The following DYNC2I1 variants were observed in gnomAD, a reference collection of about 807,000 sequenced individuals.
DYNC2I1 encodes the protein cytoplasmic dynein 2 intermediate chain 1.
In DYNC2I1, 89 loss-of-function variants were observed where a neutral mutation model predicts 133.4. The ratio of observed to expected loss-of-function variants is 0.67; its 90% CI spans 0.56 to 0.80. DYNC2I1 has a LOEUF of 0.80. Among genes scored for constraint, DYNC2I1 ranks in the 30% least tolerant of loss-of-function variants. DYNC2I1 has a pLI of 0.00. For synonymous variants in DYNC2I1, 504 were observed against 484.3 expected, an observed-to-expected ratio of 1.04 and a Z score of -0.54; for missense variants, 1,291 against 1,314.5, an observed-to-expected ratio of 0.98 and a Z score of 0.28.
intron 11 of DYNC2I1, among the ~76,000 whole-genome samples, chr7:158,908,208 A>G (rs554900100): frequency 6.6e-6 from 1 of 152,236 alleles, no homozygotes; most frequent in East Asian, 1.9e-4. Flanking sequence ...CATTTAGTAA[A>G]TCAACTTGAA....
chr7:158,890,854 G>A (rs914076491), intron 7 of DYNC2I1, among the ~76,000 whole-genome samples: 8 of 152,212 alleles, frequency 5.3e-5, no homozygotes, highest in South Asian at 4.1e-4. Context: ...TATTAGAGGC[G>A]TGAACCACTG....
Position 158,942,005 on chromosome 7 carries a change from C to T in DYNC2I1, c.2859C>T (p.Asp953=), listed in dbSNP as rs898814598. 2 of 1,613,590 alleles carry T rather than the reference C, an allele frequency of 1.2e-6. No individual in the cohort carries two copies. Among genetic ancestry groups the T allele is most frequent in the African/African-American group, 1.3e-5 (1 of 75,076 alleles). ...TCCTGCAGTGGGACAGCAGCACGGA[C>T]AGCCATGCGGTCACCGGCCTGCAGT... is the stretch of plus-strand genomic sequence containing the variant. ...FPLLQWDSST[D]SHAVTGLQWS... is the part of the protein sequence containing the mutation. Residue 953 remains aspartate (D), a synonymous_variant, in exon 24 of 25, where the codon GAC becomes GAT. Coordinates refer to ENST00000407559, the MANE Select transcript of DYNC2I1 (RefSeq NM_018051.5).
intron 23 of DYNC2I1, among the ~76,000 whole-genome samples, chr7:158,937,443 G>A (rs562080060): frequency 5.3e-5 from 8 of 151,888 alleles, no homozygotes; most frequent in East Asian, 1.9e-4. Context: ...TGGCTGACAC[G>A]GTGAAACCCC....
intron 15 of DYNC2I1, 27 bp from the exon 16 acceptor site, chr7:158,922,350 A>G: frequency 6.2e-7 from 1 of 1,603,012 alleles, no homozygotes; most frequent in Non-Finnish European, 8.5e-7. Context: ...GGTCGTTGAA[A>G]TGTGAACATA....
At chr7:158,858,669 ATTGTTT>A in intron 1 of DYNC2I1, among the ~76,000 whole-genome samples, 1 of 152,210 alleles carries the variant, frequency 6.6e-6, no homozygotes, top group South Asian at 2.1e-4. Context: ...ATCAGGACAA[ATTGTTT>A]TCTAGACATG....
At chr7:158,901,056 T>G (rs989101895) in intron 8 of DYNC2I1, among the ~76,000 whole-genome samples, 1 of 152,112 alleles carries the variant, frequency 6.6e-6, no homozygotes, top group Non-Finnish European at 1.5e-5. Context: ...CTGGAACTGG[T>G]GCTTGCTCTG....
At chr7:158,869,253 A>G (rs1563081799) in intron 1 of DYNC2I1, among the ~76,000 whole-genome samples, 1 of 139,286 alleles carries the variant, frequency 7.2e-6, no homozygotes, top group Non-Finnish European at 1.6e-5. Context: ...GCTGTGAGGG[A>G]CCCTCTGGGC....
intron 14 of DYNC2I1, among the ~76,000 whole-genome samples, chr7:158,917,977 C>G (rs1008604504): frequency 1.3e-5 from 2 of 152,060 alleles, no homozygotes; most frequent in Non-Finnish European, 2.9e-5. Context: ...CTTCCTCACT[C>G]CCATACGGTT....
chr7:158,934,917 T>C (rs540342722), intron 23 of DYNC2I1, among the ~76,000 whole-genome samples: 1 of 152,344 alleles, frequency 6.6e-6, no homozygotes, highest in East Asian at 1.9e-4. Context: ...TGGTCATTTA[T>C]GGGGCGTCAG....
intron 17 of DYNC2I1, among the ~76,000 whole-genome samples, chr7:158,924,212 G>A (rs536724220): frequency 3.3e-5 from 5 of 152,334 alleles, no homozygotes; most frequent in African/African-American, 7.2e-5. Context: ...TCTGGGACTC[G>A]CCCTAGTGTG....
chr7:158,901,989 A>T (rs41271211), intron 9 of DYNC2I1, among the ~76,000 whole-genome samples, 173 bp downstream of exon 9: 1 of 152,178 alleles, frequency 6.6e-6, no homozygotes, highest in Non-Finnish European at 1.5e-5. Context: ...CTATACTTCT[A>T]CTAATACTTA....
intron 8 of DYNC2I1, among the ~76,000 whole-genome samples, chr7:158,891,538 C>G (rs567615608): frequency 6.6e-6 from 1 of 152,240 alleles, no homozygotes; most frequent in East Asian, 1.9e-4. Context: ...TGAAAGCTGT[C>G]TGGGTTGTGG....
At chr7:158,926,333 A>G in intron 18 of DYNC2I1, 33 bp downstream of exon 18, 1 of 1,603,126 alleles carries the variant, frequency 6.2e-7, no homozygotes, top group Non-Finnish European at 8.5e-7. Flanking sequence ...AAAATCCTTC[A>G]TCAATGGTTG....
intron 1 of DYNC2I1, among the ~76,000 whole-genome samples, chr7:158,866,574 C>A (rs1842426606): frequency 6.6e-6 from 1 of 152,084 alleles, no homozygotes; most frequent in Admixed American, 6.6e-5. Context: ...TTAAACCTCT[C>A]TGTAGGAGTT....
In DYNC2I1 at chr7:158,922,331, A is replaced by G. The variant is rs769696840; in HGVS notation, c.1922-46A>G. ...CGGAAGTGTGTTAAATTTAACTTGG[A>G]TTCTGGCAGGTCGTTGAAATGTGAA... On this transcript the variant is annotated intron_variant, in intron 15 of 24. Transcript: ENST00000407559. The G allele has an allele frequency of 7.1e-5, 112 of 1,580,380 alleles. 1 individual carries two copies. In the Middle Eastern group the frequency reaches 3.6e-3, roughly 50 times the overall value.
intron 4 of DYNC2I1, among the ~76,000 whole-genome samples, chr7:158,955,794 A>T (rs868349233): frequency 3.3e-5 from 5 of 152,232 alleles, no homozygotes; most frequent in Non-Finnish European, 7.3e-5. Flanking sequence ...GTGACCTCCA[A>T]AATGGGCAGT....
At chr7:158,937,692 G>A (rs1850904210) in intron 23 of DYNC2I1, among the ~76,000 whole-genome samples, 1 of 150,608 alleles carries the variant, frequency 6.6e-6, no homozygotes, top group African/African-American at 2.4e-5. Flanking sequence ...GGGAGGCCAA[G>A]GCAGGAGGAT....
At chr7:158,847,436 A>G in the DYNC2I1 span, among the ~76,000 whole-genome samples, 1 of 152,050 alleles carries the variant, frequency 6.6e-6, no homozygotes, top group South Asian at 2.1e-4. Context: ...AACTAAATGG[A>G]TACAGAAAAA....
intron 15 of DYNC2I1, among the ~76,000 whole-genome samples, chr7:158,919,699 TTC>T (rs1848824278): frequency 6.6e-6 from 1 of 152,220 alleles, no homozygotes; most frequent in South Asian, 2.1e-4. Context: ...TTATTTACAT[TTC>T]TCTGTCTTTT....
Sources: allele counts gnomAD v4.1 joint callset (sites outside exome capture counted in the v4.1 genomes callset), GRCh38; gene constraint gnomAD v4.1.1; transcripts MANE v1.5; gene names NCBI Gene and HGNC (gene_info 2026-07-23, HGNC 2026-07-21).